Variants in STK17B observed in about 807,000 individuals in gnomAD.
STK17B encodes serine/threonine-protein kinase 17B.
In STK17B, 21 loss-of-function variants were observed where a neutral mutation model predicts 42.0. The ratio of observed to expected loss-of-function variants is 0.50; its 90% CI spans 0.35 to 0.72. The LOEUF is 0.72. STK17B is among the 30% of genes least tolerant of loss of function. The pLI is 0.00. For missense variants in STK17B, 349 were observed against 446.0 expected (o/e 0.78, Z 1.96); for synonymous variants, 143 against 148.4 (o/e 0.96, Z 0.26).
At chr2:196,161,123 G>A (rs535106972) in intron 2 of STK17B, among the ~76,000 whole-genome samples, 30 of 152,170 alleles carry the variant, frequency 2.0e-4, no homozygotes, top group African/African-American at 7.0e-4. Flanking sequence ...CCCCATCGCT[G>A]AAGCATTCAA....
rs1283595338 is a variant in STK17B, at chr2:196,156,551, C to T, written c.223G>A (p.Ala75Thr). The T allele has an allele frequency of 1.9e-6, 3 of 1,614,078 alleles. No homozygotes were observed. Among genetic ancestry groups the T allele is most frequent in the African/African-American group, 2.7e-5 (2 of 75,038 alleles). Residue 75 changes from alanine to threonine, a missense_variant, in exon 3 of 8, where the codon GCA (alanine) becomes ACA (threonine). Around this residue, in one of 3 missense-constraint regions of STK17B, gnomAD observed 256 missense variants for 347.7 expected, o/e 0.74. Transcript: ENST00000263955. ...KKRRRGQDCRAEILHEIAVLE... is the reference protein window; with the variant it reads ...KKRRRGQDCRTEILHEIAVLE... ...ACAGCAATCTCGTGTAAAATTTCTGCTCGACAATCCTGTCCTCTTCTTCTC... is the reference window on the plus strand; with the variant it reads ...ACAGCAATCTCGTGTAAAATTTCTGTTCGACAATCCTGTCCTCTTCTTCTC...
chr2:196,159,316 T>G (rs1475056926), intron 2 of STK17B, among the ~76,000 whole-genome samples: 1 of 151,450 alleles, frequency 6.6e-6, no homozygotes, highest in African/African-American at 2.4e-5. Context: ...AGGTTGTTTT[T>G]TTTTTTTTTT....
chr2:196,151,726 G>T (rs990705985), intron 3 of STK17B, among the ~76,000 whole-genome samples: 3 of 152,102 alleles, frequency 2.0e-5, no homozygotes, highest in African/African-American at 7.2e-5. Flanking sequence ...CTCATGGATA[G>T]TGGTGATGGA....
rs538867822 is a variant in STK17B at position 196,151,755 on chromosome 2, A to T, written c.335+4684T>A. ...TGATGGAATGACTCAATTATCCTCA[A>T]ATTTTCCTCCATATGTATAAATAGA... On this transcript the variant is annotated intron_variant, in intron 3 of 7. Coordinates refer to ENST00000263955, the MANE Select transcript of STK17B (RefSeq NM_004226.4). 9.9e-5 allele frequency among the ~76,000 whole-genome samples: 15 copies of T among 152,274 alleles called. No homozygotes were observed. The South Asian group carries it at 3.1e-3, about 32-fold the overall frequency.
intron 1 of STK17B, among the ~76,000 whole-genome samples, chr2:196,169,216 C>T (rs1399166698): frequency 6.6e-6 from 1 of 151,904 alleles, no homozygotes; most frequent in Non-Finnish European, 1.5e-5. Context: ...GCTGGGACTA[C>T]AGGCGCGCGC....
chr2:196,156,889 T>C (rs1199972909), intron 2 of STK17B, among the ~76,000 whole-genome samples: 7 of 152,214 alleles, frequency 4.6e-5, no homozygotes, highest in Non-Finnish European at 1.0e-4. Flanking sequence ...CAGAATTATA[T>C]TTATTCTTCA....
intron 1 of STK17B, among the ~76,000 whole-genome samples, chr2:196,164,126 T>C (rs1374031025): frequency 1.3e-5 from 2 of 152,146 alleles, no homozygotes; most frequent in African/African-American, 4.8e-5. Context: ...ATAATAATTA[T>C]TCATTTTAAA....
chr2:196,175,396 C>T (rs189191369), upstream of STK17B, among the ~76,000 whole-genome samples: 20 of 152,200 alleles, frequency 1.3e-4, no homozygotes, highest in East Asian at 3.9e-3. Flanking sequence ...GAGGCCAAGG[C>T]GGGCAGATGA....
intron 2 of STK17B, among the ~76,000 whole-genome samples, chr2:196,159,018 A>AC (rs1206793321): frequency 6.6e-6 from 1 of 151,628 alleles, no homozygotes; most frequent in Non-Finnish European, 1.5e-5. Flanking sequence ...CTCAAAAAAA[A>AC]AAAAAACAAA....
At chr2:196,167,976 G>A (rs1699891995) in intron 1 of STK17B, among the ~76,000 whole-genome samples, 1 of 152,214 alleles carries the variant, frequency 6.6e-6, no homozygotes, top group South Asian at 2.1e-4. Flanking sequence ...CTTTCTCCTG[G>A]TGTGGCAGAA....
chr2:196,162,871 C>A (rs188404158), intron 2 of STK17B, among the ~76,000 whole-genome samples: 20 of 152,052 alleles, frequency 1.3e-4, no homozygotes, highest in Middle Eastern at 6.8e-3. Flanking sequence ...GCTTGAGCAA[C>A]AGAGTGAGAC....
chr2:196,156,284 T>C, intron 3 of STK17B, 155 bp downstream of exon 3: 1 of 656,768 alleles, frequency 1.5e-6, no homozygotes, highest in Non-Finnish European at 2.5e-6. Context: ...ATACATTTAG[T>C]CTTATGAAAA....
chr2:196,163,724 A>T (rs1399361599), intron 1 of STK17B, among the ~76,000 whole-genome samples: 1 of 152,154 alleles, frequency 6.6e-6, no homozygotes, highest in African/African-American at 2.4e-5. Flanking sequence ...GTTTCATCAT[A>T]AAACTCCATT....
In STK17B at chr2:196,137,666, G is replaced by A. The variant is rs747337215; in HGVS notation, c.900C>T (p.Asn300=). The stretch of plus-strand genomic sequence containing the variant: ...TGGAAGTTTCTTCAGGGTGAAACAA[G>A]TTTTCAAAGTCCCACTGCTGTAGCC... ...HSWLQQWDFE[N]LFHPEETSSS... Residue 300 remains asparagine (N), a synonymous_variant, in exon 8 of 8, where the codon AAC becomes AAT. Coordinates refer to ENST00000263955, the MANE Select transcript of STK17B (RefSeq NM_004226.4). 6.2e-7 allele frequency: 1 copy of A among 1,614,064 alleles called. No individual in the cohort carries two copies. The highest frequency in any genetic ancestry group is 1.7e-5 in the Admixed American group (1 of 60,014).
In STK17B at chr2:196,136,093, G is replaced by GA. The variant is rs1438900759; in HGVS notation, c.*1353dup. The GA allele has an allele frequency of 2.0e-5, 3 of 152,124 alleles. No homozygotes were observed. Among genetic ancestry groups the GA allele is most frequent in the Non-Finnish European group, 4.4e-5 (3 of 68,028 alleles). 9.4% of individuals were successfully genotyped at this position (152,124 alleles called of 1,614,324 possible). On this transcript the variant is annotated 3_prime_UTR_variant, in exon 8 of 8. Coordinates refer to ENST00000263955, the MANE Select transcript of STK17B (RefSeq NM_004226.4). ...TTGAGAAGTTAAAGGTCTAAAGGGG[G>GA]AACATCAGGTTGTTGTTACCATTTG... is the stretch of plus-strand genomic sequence containing the variant.
intron 3 of STK17B, 151 bp from the exon 4 acceptor site, chr2:196,146,206 G>A: frequency 2.3e-6 from 2 of 869,540 alleles, no homozygotes; most frequent in Admixed American, 3.9e-5. Flanking sequence ...GATCTTTAAG[G>A]AAAAAAATAA....
intron 3 of STK17B, among the ~76,000 whole-genome samples, chr2:196,152,277 T>G (rs1318587175): frequency 6.6e-6 from 1 of 152,104 alleles, no homozygotes; most frequent in Non-Finnish European, 1.5e-5. Flanking sequence ...CGGCTAATTT[T>G]TTGTATTTTT....
At chr2:196,149,451 A>C (rs540112016) in intron 3 of STK17B, among the ~76,000 whole-genome samples, 2 of 152,318 alleles carry the variant, frequency 1.3e-5, no homozygotes, top group Non-Finnish European at 2.9e-5. Context: ...GGCATGAGCC[A>C]CTGGGCCCAG....
upstream of STK17B, among the ~76,000 whole-genome samples, chr2:196,173,866 A>G (rs1030218106): frequency 2.6e-5 from 4 of 152,150 alleles, no homozygotes; most frequent in Non-Finnish European, 4.4e-5. Flanking sequence ...AACTCAGAGT[A>G]TGACCGTATG....
Sources: allele counts gnomAD v4.1 joint callset (sites outside exome capture counted in the v4.1 genomes callset), GRCh38; gene constraint gnomAD v4.1.1; regional missense constraint gnomAD v4.1.1; transcripts MANE v1.5; gene names NCBI Gene and HGNC (gene_info 2026-07-23, HGNC 2026-07-21).